MYH16: variants seen among roughly 807,000 people sequenced by gnomAD.
MYH16 encodes the protein putative uncharacterized protein MYH16.
rs543520040 is a variant in MYH16 at position 99,306,660 on chromosome 7, C to G, written n.5687C>G. ...TCGATACAGGAAGACGGTGCATGAG[C>G]TGGATGACGCTGAGGACCGGGCTGG... On this transcript the variant is annotated non_coding_transcript_exon_variant, in exon 42 of 42. Transcript: ENST00000439784. The G allele has an allele frequency of 2.0e-5, 3 of 152,936 alleles. No homozygotes were observed. The East Asian group carries it at 5.8e-4, about 29-fold the overall frequency. 9.5% of individuals were successfully genotyped at this position (152,936 alleles called of 1,614,324 possible). A position where few individuals can be genotyped will look rare whatever the true frequency, so the allele number is the denominator to read the frequency against.
chr7:99,307,275 G>A (rs1010496783), downstream of MYH16, among the ~76,000 whole-genome samples: 2 of 152,090 alleles, frequency 1.3e-5, no homozygotes, highest in Non-Finnish European at 1.5e-5. Flanking sequence ...TTGAATTCAG[G>A]TCTCTAACAC....
chr7:99,242,822 G>A (rs1026773166), intron 1 of MYH16, among the ~76,000 whole-genome samples: 30 of 152,078 alleles, frequency 2.0e-4, no homozygotes, highest in Middle Eastern at 3.4e-3. Context: ...AAAGCTCATC[G>A]CTATTTCGAA....
intron 2 of MYH16, among the ~76,000 whole-genome samples, chr7:99,246,229 G>GA (rs1352734161): frequency 1.3e-3 from 181 of 137,160 alleles, no homozygotes; most frequent in East Asian, 3.5e-3. Context: ...AGAAAGAAAA[G>GA]AAAAAAAAAA....
chr7:99,295,107 G>A (rs1212268427), intron 33 of MYH16, among the ~76,000 whole-genome samples: 9 of 151,996 alleles, frequency 5.9e-5, no homozygotes, highest in African/African-American at 7.2e-5. Context: ...GGCCGGGCGC[G>A]GTGGCTCATG....
chr7:99,291,363 G>T (rs1216582726), exon 31 of MYH16: 8 of 456,724 alleles, frequency 1.8e-5, no homozygotes, highest in Non-Finnish European at 2.6e-5. Flanking sequence ...AAGAGTCCCA[G>T]AGCCGGCTCA....
chr7:99,259,752 T>C (rs958896488), intron 11 of MYH16, among the ~76,000 whole-genome samples: 1 of 148,346 alleles, frequency 6.7e-6, no homozygotes, highest in Non-Finnish European at 1.5e-5. Context: ...TATACATATA[T>C]ACATACATAT....
At chr7:99,274,844 T>C (rs1184285174) in intron 20 of MYH16, among the ~76,000 whole-genome samples, 2 of 151,998 alleles carry the variant, frequency 1.3e-5, no homozygotes, top group Admixed American at 6.5e-5. Flanking sequence ...TGGCTAATTT[T>C]TGTATTTTTA....
At chr7:99,264,524 C>A (rs1041346272) in intron 15 of MYH16, among the ~76,000 whole-genome samples, 3 of 152,134 alleles carry the variant, frequency 2.0e-5, no homozygotes, top group African/African-American at 7.2e-5. Context: ...ATTTGTGCAG[C>A]GTGATCACGC....
intron 5 of MYH16, among the ~76,000 whole-genome samples, chr7:99,250,484 T>C (rs898244996): frequency 1.3e-5 from 2 of 152,182 alleles, no homozygotes; most frequent in African/African-American, 4.8e-5. Context: ...CTCATGCCTA[T>C]AATCCCAGTA....
chr7:99,300,495 A>G (rs1792574583), intron 37 of MYH16, among the ~76,000 whole-genome samples: 1 of 152,202 alleles, frequency 6.6e-6, no homozygotes, highest in South Asian at 2.1e-4. Context: ...GTACTGTTTT[A>G]GGTGTCCAAG....
At chr7:99,260,192 A>G in exon 12 of MYH16, 3 of 1,610,266 alleles carry the variant, frequency 1.9e-6, no homozygotes, top group African/African-American at 1.3e-5. Flanking sequence ...CTATGCATCA[A>G]CTTCACCAAC....
intron 28 of MYH16, chr7:99,287,659 C>A: frequency 3.0e-6 from 1 of 334,344 alleles, no homozygotes; most frequent in Non-Finnish European, 6.0e-6. Context: ...TCATAGGTAC[C>A]CAGGGTTAGG....
At chr7:99,310,830 G>C (rs1301896247), downstream of MYH16, 1 of 152,176 alleles carries the variant, frequency 6.6e-6, no homozygotes, top group African/African-American at 2.4e-5. Context: ...CTATGCAAAA[G>C]AAAGTGCAAG....
chr7:99,309,414 C>T (rs923273192), downstream of MYH16, among the ~76,000 whole-genome samples: 4 of 152,206 alleles, frequency 2.6e-5, no homozygotes, highest in Non-Finnish European at 5.9e-5. Context: ...TGAAGCTGAG[C>T]TTTATCTGAC....
At chr7:99,294,641 C>T (rs530506365) in intron 33 of MYH16, among the ~76,000 whole-genome samples, 1 of 151,280 alleles carries the variant, frequency 6.6e-6, no homozygotes, top group South Asian at 2.1e-4. Flanking sequence ...TCTCAGCTCA[C>T]TGCAACCTCC....
exon 3 of MYH16, chr7:99,247,684 A>G: frequency 5.0e-6 from 1 of 198,898 alleles, no homozygotes; most frequent in Non-Finnish European, 1.1e-5. Flanking sequence ...CAAGGGCAAG[A>G]AGCGCACAGA....
chr7:99,241,560 G>A (rs1468855940), intron 1 of MYH16, among the ~76,000 whole-genome samples: 5 of 152,188 alleles, frequency 3.3e-5, no homozygotes, highest in African/African-American at 1.2e-4. Flanking sequence ...TCCAGCATGA[G>A]TGACAGAGTG....
intron 11 of MYH16, among the ~76,000 whole-genome samples, chr7:99,259,818 GTGTATATATTATATATA>G (rs1326822939): frequency 5.8e-5 from 8 of 137,836 alleles, no homozygotes; most frequent in African/African-American, 7.9e-5. Context: ...ATGTATGTAT[GTGTATATATTATATATA>G]TATGTATGTA....
exon 3 of MYH16, chr7:99,247,639 C>T: frequency 5.2e-6 from 1 of 191,836 alleles, no homozygotes; most frequent in South Asian, 1.1e-4. Context: ...CTACAAGTGG[C>T]TGCCCATCTA....
Sources: gnomAD v4.1 joint callset for allele counts (sites outside exome capture counted in the v4.1 genomes callset) on GRCh38, gnomAD v4.1.1 for gene constraint, MANE v1.5 for transcripts, NCBI Gene and HGNC (gene_info 2026-07-23, HGNC 2026-07-21) for gene names.